ADGRB3: variants seen among roughly 807,000 people sequenced by gnomAD.
The protein encoded by ADGRB3 is brain-specific angiogenesis inhibitor 3.
A neutral mutation model predicts 193.4 loss-of-function variants in ADGRB3; 37 were observed. That is an observed-to-expected ratio of 0.19 (90% CI 0.15 to 0.25). ADGRB3 has a LOEUF of 0.25. ADGRB3 is among the 10% of genes least tolerant of loss of function. The probability of loss-of-function intolerance (pLI) is 1.00; values close to 1 mark genes in which losing one functional copy is unlikely to be tolerated. For synonymous variants in ADGRB3, 690 were observed against 644.2 expected, an observed-to-expected ratio of 1.07 and a Z score of -1.08; for missense variants, 1,637 against 1,852.9, an observed-to-expected ratio of 0.88 and a Z score of 2.14.
chr6:69,164,257 C>T (rs1295938439), intron 17 of ADGRB3, among the ~76,000 whole-genome samples: 2 of 151,906 alleles, frequency 1.3e-5, no homozygotes, highest in South Asian at 2.1e-4. Context: ...ACACCTAGCA[C>T]AGTGCTGGCA....
chr6:68,945,242 TACTG>T (rs561859354), intron 6 of ADGRB3, among the ~76,000 whole-genome samples: 68 of 152,282 alleles, frequency 4.5e-4, no homozygotes, highest in African/African-American at 1.3e-3. Context: ...TACATTATTT[TACTG>T]ACTAATATAA....
At chr6:68,699,702 G>A (rs889935329) in intron 3 of ADGRB3, among the ~76,000 whole-genome samples, 1 of 151,340 alleles carries the variant, frequency 6.6e-6, no homozygotes, top group African/African-American at 2.4e-5. Context: ...TAATAAGCTG[G>A]GGAAATTTGA....
intron 20 of ADGRB3, among the ~76,000 whole-genome samples, chr6:69,320,666 C>T (rs1768430466): frequency 6.6e-6 from 1 of 151,586 alleles, no homozygotes; most frequent in Non-Finnish European, 1.5e-5. Flanking sequence ...TTTCTACTGC[C>T]TTCTTGTACC....
intron 3 of ADGRB3, among the ~76,000 whole-genome samples, chr6:68,780,333 A>G (rs1193129325): frequency 6.6e-6 from 1 of 152,046 alleles, no homozygotes; most frequent in East Asian, 1.9e-4. Context: ...GTTATTTTGA[A>G]AACTGATCTG....
At chr6:69,141,664 C>G (rs577577053) in intron 17 of ADGRB3, among the ~76,000 whole-genome samples, 9 of 152,048 alleles carry the variant, frequency 5.9e-5, no homozygotes, top group African/African-American at 2.2e-4. Flanking sequence ...AGCAGGCAGT[C>G]CATGTGGAAC....
At chr6:68,815,130 C>G (rs752730881) in intron 3 of ADGRB3, among the ~76,000 whole-genome samples, 11 of 152,112 alleles carry the variant, frequency 7.2e-5, no homozygotes, top group Non-Finnish European at 1.3e-4. Flanking sequence ...GTTGGGAGTT[C>G]TGGCCAGGGC....
At chr6:68,794,720 A>C (rs1767173511) in intron 3 of ADGRB3, among the ~76,000 whole-genome samples, 1 of 152,136 alleles carries the variant, frequency 6.6e-6, no homozygotes, top group Non-Finnish European at 1.5e-5. Flanking sequence ...TATAATAGAC[A>C]GAATCAGGGT....
At chr6:68,801,803 A>G (rs909843261) in intron 3 of ADGRB3, among the ~76,000 whole-genome samples, 35 of 152,254 alleles carry the variant, frequency 2.3e-4, no homozygotes, top group Non-Finnish European at 3.2e-4. Flanking sequence ...TATGAAATGC[A>G]TAAATGAAGG....
intron 3 of ADGRB3, among the ~76,000 whole-genome samples, chr6:68,740,396 A>G (rs1765956156): frequency 6.6e-6 from 1 of 152,236 alleles, no homozygotes; most frequent in Admixed American, 6.5e-5. Context: ...GGTCTCTATA[A>G]AGAAAAGAAA....
At chr6:68,904,008 G>A (rs58009909) in intron 3 of ADGRB3, among the ~76,000 whole-genome samples, 51,092 of 119,322 alleles carry the variant, frequency 0.43, 11,988 homozygotes, top group African/African-American at 0.51. Flanking sequence ...AAAAAAAAAA[G>A]GGGAGAAGAA....
At chr6:69,321,727 A>C (rs1182141820) in intron 20 of ADGRB3, among the ~76,000 whole-genome samples, 1 of 151,848 alleles carries the variant, frequency 6.6e-6, no homozygotes, top group Non-Finnish European at 1.5e-5. Context: ...CTGATGTGTC[A>C]TTTGTGGAAA....
chr6:68,951,189 AT>A (rs1286985158), intron 6 of ADGRB3, among the ~76,000 whole-genome samples: 20 of 152,312 alleles, frequency 1.3e-4, no homozygotes, highest in South Asian at 6.2e-4. Flanking sequence ...TTTAAAAAAA[AT>A]ATTAGTGAAT....
At chr6:69,166,641 A>G (rs1236070111) in intron 17 of ADGRB3, among the ~76,000 whole-genome samples, 1 of 152,098 alleles carries the variant, frequency 6.6e-6, no homozygotes, top group Non-Finnish European at 1.5e-5. Context: ...ATTTTCCAAC[A>G]AATATTGAGT....
At chr6:69,165,465 C>T (rs1165776314) in intron 17 of ADGRB3, among the ~76,000 whole-genome samples, 1 of 151,764 alleles carries the variant, frequency 6.6e-6, no homozygotes, top group Non-Finnish European at 1.5e-5. Context: ...CACAAACACA[C>T]CATGCTCTTT....
intron 3 of ADGRB3, among the ~76,000 whole-genome samples, chr6:68,844,056 A>T (rs2127388393): frequency 6.6e-6 from 1 of 152,336 alleles, no homozygotes; most frequent in Admixed American, 6.5e-5. Context: ...AAGACCTCAA[A>T]CTATGAAACT....
At position 68,824,350 on chromosome 6, in the gene ADGRB3, G is replaced by A. The variant is rs75008594; in HGVS notation, c.758-106209G>A. ...TTGCATTTTAAATTATAATGATTAT[G>A]TTTCACTTTCTATAAAATATTACAG... On this transcript the variant is annotated intron_variant, in intron 3 of 31. Coordinates refer to ENST00000370598, the MANE Select transcript of ADGRB3 (RefSeq NM_001704.3). Among the ~76,000 whole-genome samples, 172 of 151,018 alleles carry A rather than the reference G, an allele frequency of 1.1e-3. 4 individuals are homozygous for A. In the East Asian group the frequency reaches 0.032, roughly 28 times the overall value.
At chr6:68,772,502 T>C (rs944177546) in intron 3 of ADGRB3, among the ~76,000 whole-genome samples, 6 of 151,990 alleles carry the variant, frequency 3.9e-5, no homozygotes, top group African/African-American at 1.4e-4. Context: ...TGTTCAGCTT[T>C]AAAAAAGCAT....
intron 11 of ADGRB3, among the ~76,000 whole-genome samples, chr6:69,013,372 G>A (rs1004721942): frequency 1.3e-5 from 2 of 152,120 alleles, no homozygotes; most frequent in East Asian, 1.9e-4. Flanking sequence ...TTAGAGACAA[G>A]AATGATGGCA....
intron 3 of ADGRB3, among the ~76,000 whole-genome samples, chr6:68,820,060 A>G (rs915122625): frequency 6.6e-6 from 1 of 152,022 alleles, no homozygotes; most frequent in Non-Finnish European, 1.5e-5. Flanking sequence ...AGTAGCTTCC[A>G]TTGCCTTCTG....
Sources: gnomAD v4.1 joint callset for allele counts (sites outside exome capture counted in the v4.1 genomes callset) on GRCh38, gnomAD v4.1.1 for gene constraint, MANE v1.5 for transcripts, NCBI Gene and HGNC (gene_info 2026-07-23, HGNC 2026-07-21) for gene names.